The following RBMS2 variants were observed in gnomAD, a reference collection of about 807,000 sequenced individuals.
The protein encoded by RBMS2 is RNA-binding motif, single-stranded-interacting protein 2.
In RBMS2, 38 loss-of-function variants were observed where a neutral mutation model predicts 58.4. The ratio of observed to expected loss-of-function variants is 0.65; its 90% CI spans 0.50 to 0.85. The LOEUF (loss-of-function observed/expected upper bound fraction) is 0.85, where lower values mean the gene tolerates loss of function less well. RBMS2 is among the 40% of genes least tolerant of loss of function. RBMS2 has a pLI of 0.00. For missense variants in RBMS2, 367 were observed against 503.7 expected, an observed-to-expected ratio of 0.73 and a Z score of 2.60; for synonymous variants, 151 against 180.7, an observed-to-expected ratio of 0.84 and a Z score of 1.32.
intron 1 of RBMS2, among the ~76,000 whole-genome samples, chr12:56,531,710 C>T (rs1288511698): frequency 2.0e-5 from 3 of 151,356 alleles, no homozygotes; most frequent in African/African-American, 2.4e-5. Context: ...CACCTGTAAT[C>T]CCAGCTACTT....
intron 1 of RBMS2, among the ~76,000 whole-genome samples, chr12:56,540,506 C>T (rs1215772058): frequency 3.3e-5 from 5 of 151,948 alleles, no homozygotes; most frequent in South Asian, 2.1e-4. Flanking sequence ...TCCATGTAGC[C>T]GGGACTACAG....
chr12:56,521,346 C>T (rs1010233312), upstream of RBMS2, among the ~76,000 whole-genome samples: 7 of 147,604 alleles, frequency 4.7e-5, no homozygotes, highest in East Asian at 1.2e-3. Flanking sequence ...AGGAGAATTG[C>T]GGAAGGTGGA....
At chr12:56,526,749 TAG>T (rs906355141) in intron 1 of RBMS2, among the ~76,000 whole-genome samples, 2 of 148,482 alleles carry the variant, frequency 1.3e-5, no homozygotes, top group Non-Finnish European at 3.0e-5. Flanking sequence ...GTTGCCAAAG[TAG>T]AGAGATTTGA....
chr12:56,588,989 T>C lies in RBMS2; in HGVS notation c.1201T>C (p.Tyr401His), dbSNP rs1387631392. The C allele has an allele frequency of 6.2e-7, 1 of 1,614,054 alleles. No homozygotes were observed. Among genetic ancestry groups the C allele is most frequent in the Non-Finnish European group, 8.5e-7 (1 of 1,180,036 alleles). Residue 401 changes from tyrosine (Y) to histidine (H), a missense_variant, in exon 13 of 14, where the codon TAT becomes CAT. Physicochemically the swap from Tyr to His is moderately conservative, Grantham distance 83. Around this residue, in one of 3 missense-constraint regions of RBMS2, gnomAD observed 220 missense variants for 261.1 expected, o/e 0.84. Transcript: ENST00000262031. ...GGACGCACCCTCAGAGCATGGGGTC[T>C]ATTCTTTCCAGTTCAACAAGTAACA... ...AVDAPSEHGV[Y>H]SFQFNK is the part of the protein sequence containing the mutation.
chr12:56,536,422 C>T (rs999064971), intron 1 of RBMS2, among the ~76,000 whole-genome samples: 4 of 151,820 alleles, frequency 2.6e-5, no homozygotes, highest in South Asian at 2.1e-4. Context: ...CCATGCCTGG[C>T]CTGAGCTTCT....
At chr12:56,568,623 A>T (rs1404486005) in intron 2 of RBMS2, among the ~76,000 whole-genome samples, 1 of 147,482 alleles carries the variant, frequency 6.8e-6, no homozygotes, top group African/African-American at 2.5e-5. Context: ...TGCAACCTCC[A>T]CCTCACAGGT....
intron 1 of RBMS2, among the ~76,000 whole-genome samples, chr12:56,542,736 G>A (rs1394241617): frequency 6.6e-6 from 1 of 151,040 alleles, no homozygotes; most frequent in Non-Finnish European, 1.5e-5. Flanking sequence ...TTTTTGTAGA[G>A]GCAGGGTCTC....
At position 56,571,744 on chromosome 12, in the gene RBMS2, T is replaced by C. The variant is rs772223079; in HGVS notation, c.431T>C (p.Leu144Pro). 3.8e-6 allele frequency: 6 copies of C among 1,593,110 alleles called. No individual in the cohort carries two copies. In the South Asian group the frequency reaches 5.7e-5, roughly 15 times the overall value. ...PTNLYISNLP[L>P]SMDEQELEGM... The stretch of plus-strand genomic sequence containing the variant: ...AATTTATACATCTCAAACCTCCCAC[T>C]GTCAATGGATGAGCAGGAACTGGAG... Residue 144 changes from leucine to proline, a missense_variant, in exon 5 of 14, where the codon CTG (leucine) becomes CCG (proline). Leu to Pro is a moderately conservative substitution (Grantham distance 98). Around this residue, in one of 3 missense-constraint regions of RBMS2, gnomAD observed 54 missense variants for 110.4 expected, o/e 0.49. Coordinates refer to ENST00000262031, the MANE Select transcript of RBMS2 (RefSeq NM_002898.4).
At chr12:56,526,787 T>C (rs747584035) in intron 1 of RBMS2, among the ~76,000 whole-genome samples, 2 of 151,624 alleles carry the variant, frequency 1.3e-5, no homozygotes, top group Non-Finnish European at 2.9e-5. Flanking sequence ...AAAGAGGAAA[T>C]GTTTGGGACT....
At position 56,592,387 on chromosome 12, in the gene RBMS2, G is replaced by A. The variant is rs1160422949; in HGVS notation, c.*3254G>A. On this transcript the variant is annotated 3_prime_UTR_variant, in exon 14 of 14. Coordinates refer to ENST00000262031, the MANE Select transcript of RBMS2 (RefSeq NM_002898.4). ...GCCTGCCTAGCCATCTCCTATCGGTGTTATTACTCCTCATCTCAGGCTCTG... is the reference window on the plus strand; with the variant it reads ...GCCTGCCTAGCCATCTCCTATCGGTATTATTACTCCTCATCTCAGGCTCTG... 6.6e-6 allele frequency: 1 copy of A among 152,196 alleles called. No individual in the cohort carries two copies. Among genetic ancestry groups the A allele is most frequent in the Non-Finnish European group, 1.5e-5 (1 of 68,046 alleles). The allele number at this position is 152,196 out of a possible 1,614,324, so 9.4% of individuals were successfully genotyped here.
intron 1 of RBMS2, among the ~76,000 whole-genome samples, chr12:56,528,444 A>G (rs111994254): frequency 0.02 from 3,010 of 152,040 alleles, 114 homozygotes; most frequent in African/African-American, 0.069. Flanking sequence ...TAGATGGTAT[A>G]TATACACTAA....
chr12:56,572,016 C>T (rs566509404), intron 5 of RBMS2, among the ~76,000 whole-genome samples, 161 bp downstream of exon 5: 2 of 152,170 alleles, frequency 1.3e-5, no homozygotes, highest in African/African-American at 2.4e-5. Flanking sequence ...AGGCCAGGTG[C>T]GGTGGCTTAC....
At chr12:56,569,127 G>C (rs142219464) in intron 3 of RBMS2, 94 bp downstream of exon 3, 16 of 1,146,416 alleles carry the variant, frequency 1.4e-5, no homozygotes, top group Non-Finnish European at 1.9e-5. Flanking sequence ...TGAGTCTACA[G>C]TGTCAGCGAG....
chr12:56,523,804 A>G (rs1407106286), intron 1 of RBMS2, among the ~76,000 whole-genome samples: 1 of 152,230 alleles, frequency 6.6e-6, no homozygotes, highest in Non-Finnish European at 1.5e-5. Context: ...TTGGTTATCA[A>G]TATATGTTTA....
chr12:56,585,996 A>G (rs528985190), intron 9 of RBMS2, among the ~76,000 whole-genome samples: 2 of 152,180 alleles, frequency 1.3e-5, no homozygotes, highest in South Asian at 4.2e-4. Context: ...TAGCCTGGGC[A>G]ACATGGCGAA....
rs182502544 is a variant in RBMS2, at chr12:56,545,912, G to A, written c.67-16505G>A. Among the ~76,000 whole-genome samples the A allele has an allele frequency of 2.7e-3, 404 of 149,344 alleles. 2 individuals are homozygous for A. Among genetic ancestry groups the A allele is most frequent in the Middle Eastern group, 3.5e-3 (1 of 288 alleles). On this transcript the variant is annotated intron_variant, in intron 1 of 13. Transcript: ENST00000262031. ...AAATTTGTGTACAGGTTTTGTGTAA[G>A]CATATGTTTTCTTCCCTTTCTTTTC...
intron 1 of RBMS2, among the ~76,000 whole-genome samples, chr12:56,545,334 T>C (rs1159513633): frequency 6.6e-6 from 1 of 152,186 alleles, no homozygotes; most frequent in Non-Finnish European, 1.5e-5. Flanking sequence ...CTTAGGTTGG[T>C]TCCGTATCTT....
At chr12:56,541,100 C>CAA (rs376084138) in intron 1 of RBMS2, among the ~76,000 whole-genome samples, 1,757 of 125,108 alleles carry the variant, frequency 0.014, 17 homozygotes, top group South Asian at 0.024. Context: ...GACCTTGACT[C>CAA]AAAAAAAAAA....
chr12:56,582,125 C>G lies in RBMS2; in HGVS notation c.846C>G (p.Tyr282Ter). 6.2e-7 allele frequency: 1 copy of G among 1,610,852 alleles called. No individual in the cohort carries two copies. Among genetic ancestry groups the G allele is most frequent in the Non-Finnish European group, 8.5e-7 (1 of 1,177,152 alleles). ...RMLAQSALSP[Y>*]LSSPVSSYQR... ...TTGCTCAGTCTGCACTCTCCCCATA[C>G]CTTTCCTCTCCTGTGTCTTCGTATC... The change falls in exon 9 of 14, where the codon TAC becomes TAG. Residue 282 changes from tyrosine (Y) to a stop codon, truncating the protein, a stop_gained. Transcript: ENST00000262031. LOFTEE classifies it high-confidence loss of function.
Sources: gnomAD v4.1 joint callset for allele counts (sites outside exome capture counted in the v4.1 genomes callset) on GRCh38, gnomAD v4.1.1 for gene constraint, gnomAD v4.1.1 regional missense constraint, MANE v1.5 for transcripts, NCBI Gene and HGNC (gene_info 2026-07-23, HGNC 2026-07-21) for gene names.